FXYD7: variants seen among roughly 807,000 people sequenced by gnomAD.
FXYD7 encodes FXYD domain-containing ion transport regulator 7.
FXYD7 carries 7 observed loss-of-function variants against 15.3 expected under a neutral mutation model. That is an observed-to-expected ratio of 0.46 (90% CI 0.26 to 0.86). The LOEUF is 0.86. Among genes scored for constraint, FXYD7 ranks in the 40% least tolerant of loss-of-function variants. The probability of loss-of-function intolerance (pLI) is 0.16; values close to 1 mark genes in which losing one functional copy is unlikely to be tolerated. For missense variants in FXYD7, 78 were observed against 100.6 expected, an observed-to-expected ratio of 0.78 and a Z score of 0.96; for synonymous variants, 39 against 39.3, an observed-to-expected ratio of 0.99 and a Z score of 0.03.
At position 35,153,957 on chromosome 19, in the gene FXYD7, G is replaced by T. The variant is rs754837665; in HGVS notation, c.*41G>T. 20 of 1,601,936 alleles carry T rather than the reference G, an allele frequency of 1.2e-5. No homozygotes were observed. Among genetic ancestry groups the T allele is most frequent in the Non-Finnish European group, 1.5e-5 (18 of 1,172,714 alleles). Reference sequence around the variant, plus strand: ...ACTCCGCTGCCGACCCTGCCTGAGCGCGGGAGCCTGAGGACCGGGTGGAGG... The same window carrying T: ...ACTCCGCTGCCGACCCTGCCTGAGCTCGGGAGCCTGAGGACCGGGTGGAGG... On this transcript the variant is annotated 3_prime_UTR_variant, in exon 6 of 6. Transcript: ENST00000270310.
intron 2 of FXYD7, chr19:35,149,555 C>T (rs2065302374): frequency 6.0e-6 from 1 of 165,620 alleles, no homozygotes; most frequent in Non-Finnish European, 1.3e-5. Context: ...AAGTCAACTC[C>T]TTGCTGGTAG....
chr19:35,153,248 T>C (rs1490283133), intron 5 of FXYD7, among the ~76,000 whole-genome samples: 1 of 151,932 alleles, frequency 6.6e-6, no homozygotes, highest in African/African-American at 2.4e-5. Context: ...TTAGCAGAGA[T>C]GGTGGTTCAC....
At position 35,148,548 on chromosome 19, in the gene FXYD7, C is replaced by T. The variant is rs553977205; in HGVS notation, c.32-146C>T. The T allele has an allele frequency of 1.4e-5, 9 of 654,232 alleles. No individual in the cohort carries two copies. The South Asian group carries it at 1.4e-4, about 10-fold the overall frequency. The allele number at this position is 654,232 out of a possible 1,614,324, so 40.5% of individuals were successfully genotyped here. ...TCCAGCCTTGCGGCCTGCCATGAGGCCACATCATCCAAACCAAGGGGTCTC... is the reference window on the plus strand; with the variant it reads ...TCCAGCCTTGCGGCCTGCCATGAGGTCACATCATCCAAACCAAGGGGTCTC... On this transcript the variant is annotated intron_variant, in intron 1 of 5. Coordinates refer to ENST00000270310, the MANE Select transcript of FXYD7 (RefSeq NM_022006.2).
intron 1 of FXYD7, among the ~76,000 whole-genome samples, chr19:35,146,765 G>T (rs942705925): frequency 6.6e-6 from 1 of 152,154 alleles, no homozygotes; most frequent in African/African-American, 2.4e-5. Context: ...TTAGGTAAAG[G>T]GGGGAGATTA....
At chr19:35,148,012 GA>G (rs1440532551) in intron 1 of FXYD7, among the ~76,000 whole-genome samples, 1 of 113,778 alleles carries the variant, frequency 8.8e-6, no homozygotes, top group Admixed American at 1.0e-4. Context: ...AAGAAGGAAA[GA>G]AAGAAGAAAG....
chr19:35,148,985 C>G (rs1321356935), intron 2 of FXYD7: 1 of 625,698 alleles, frequency 1.6e-6, no homozygotes, highest in Non-Finnish European at 3.0e-6. Flanking sequence ...GCCAGAGAAG[C>G]AGATGAAGGA....
At chr19:35,153,485 C>T (rs1233459799) in intron 5 of FXYD7, among the ~76,000 whole-genome samples, 2 of 152,182 alleles carry the variant, frequency 1.3e-5, no homozygotes, top group African/African-American at 4.8e-5. Context: ...TCTGGTCTAT[C>T]CTAGGTGAAT....
rs1170758006 is a variant in FXYD7 at position 35,143,968 on chromosome 19, A to G, written c.31+604A>G. Among the ~76,000 whole-genome samples, 1 of 152,154 alleles carries G rather than the reference A, an allele frequency of 6.6e-6. No homozygotes were observed. Among genetic ancestry groups the G allele is most frequent in the Non-Finnish European group, 1.5e-5 (1 of 68,010 alleles). On this transcript the variant is annotated intron_variant, in intron 1 of 5. Coordinates refer to ENST00000270310, the MANE Select transcript of FXYD7 (RefSeq NM_022006.2). This position sits in a 1 kb window ranked among gnomAD's most constrained non-coding sequence, Gnocchi z 4.3. Reference sequence around the variant, plus strand: ...AGGAGATCCAGAGTCACAGATACAAAGACCCAGGAAGACAAATAGATGGAC... The same window carrying G: ...AGGAGATCCAGAGTCACAGATACAAGGACCCAGGAAGACAAATAGATGGAC...
intron 5 of FXYD7, among the ~76,000 whole-genome samples, chr19:35,152,180 AAGGGAGGG>A (rs1242415055): frequency 7.1e-6 from 1 of 139,902 alleles, no homozygotes; most frequent in Non-Finnish European, 1.6e-5. Flanking sequence ...TGAAGGAAGG[AAGGGAGGG>A]AGGGAGGGAA....
At chr19:35,144,471 G>T (rs1226915479) in intron 1 of FXYD7, among the ~76,000 whole-genome samples, 2 of 152,200 alleles carry the variant, frequency 1.3e-5, no homozygotes, top group Non-Finnish European at 2.9e-5. Context: ...TCAAGAGGGA[G>T]CCAGTGCCCA....
intron 2 of FXYD7, 129 bp downstream of exon 2, chr19:35,148,852 T>C (rs1311209877): frequency 1.2e-6 from 1 of 847,090 alleles, no homozygotes; most frequent in Admixed American, 1.7e-5. Flanking sequence ...ACCATATATG[T>C]GGGTGTGGTT....
At chr19:35,151,947 C>T (rs146093273) in intron 5 of FXYD7, among the ~76,000 whole-genome samples, 6 of 151,636 alleles carry the variant, frequency 4.0e-5, no homozygotes, top group Non-Finnish European at 5.9e-5. Context: ...GAGATCAGCC[C>T]GGCCAACATG....
intron 2 of FXYD7, 96 bp downstream of exon 2, chr19:35,148,819 C>A (rs746119297): frequency 1.8e-6 from 2 of 1,093,772 alleles, no homozygotes; most frequent in South Asian, 1.2e-5. Context: ...CCACACGATA[C>A]GTGCTGGGCC....
At chr19:35,151,775 GA>G in intron 5 of FXYD7, 102 bp downstream of exon 5, 1 of 742,934 alleles carries the variant, frequency 1.3e-6, no homozygotes, top group Admixed American at 1.8e-5. Flanking sequence ...GCAGGGGGCG[GA>G]GGGGGGGTGG....
intron 1 of FXYD7, among the ~76,000 whole-genome samples, chr19:35,144,844 A>C (rs2065283491): frequency 6.6e-6 from 1 of 152,130 alleles, no homozygotes; most frequent in African/African-American, 2.4e-5. Context: ...ACAGCATGAC[A>C]GGGGACCGCA....
At chr19:35,151,116 C>CTGAAGGAGTG in intron 2 of FXYD7, 138 bp from the exon 3 acceptor site, 1 of 728,970 alleles carries the variant, frequency 1.4e-6, no homozygotes, top group East Asian at 2.5e-5. Context: ...CATCAACCCC[C>CTGAAGGAGTG]TGAAGGAGTG....
At chr19:35,152,008 G>A (rs2065312432) in intron 5 of FXYD7, among the ~76,000 whole-genome samples, 2 of 151,406 alleles carry the variant, frequency 1.3e-5, no homozygotes, top group South Asian at 4.2e-4. Context: ...GCATGGTGGT[G>A]CGCACCTGTA....
chr19:35,153,772 C>T, intron 5 of FXYD7, 122 bp from the exon 6 acceptor site: 2 of 860,096 alleles, frequency 2.3e-6, no homozygotes, highest in South Asian at 1.4e-5. Context: ...TCAGTGTTAG[C>T]TCTGGGGTGA....
chr19:35,144,327 C>T (rs1673006), intron 1 of FXYD7, among the ~76,000 whole-genome samples: 56,334 of 151,942 alleles, frequency 0.37, 10,578 homozygotes, highest in South Asian at 0.5. Context: ...TGCCCCCATC[C>T]AGCCACACAC....
Sources: gnomAD v4.1 joint callset for allele counts (sites outside exome capture counted in the v4.1 genomes callset) on GRCh38, gnomAD v4.1.1 for gene constraint, Gnocchi (gnomAD v3.1) non-coding constraint, MANE v1.5 for transcripts, NCBI Gene and HGNC (gene_info 2026-07-23, HGNC 2026-07-21) for gene names.